Variants in CUBN observed in about 807,000 individuals in gnomAD.
The protein encoded by CUBN is cubilin.
In CUBN, 282 loss-of-function variants were observed where a neutral mutation model predicts 405.3. The observed-to-expected ratio is 0.70, with a 90% CI of 0.63 to 0.77. The LOEUF (loss-of-function observed/expected upper bound fraction) is 0.77. Among genes scored for constraint, CUBN ranks in the 30% least tolerant of loss-of-function variants. CUBN has a pLI of 0.00. For synonymous variants in CUBN, 1,684 were observed against 1,617.0 expected, an observed-to-expected ratio of 1.04 and a Z score of -0.99; for missense variants, 4,514 against 4,475.2, an observed-to-expected ratio of 1.01 and a Z score of -0.25.
At chr10:16,907,771 T>C in intron 48 of CUBN, 92 bp from the exon 49 acceptor site, 1 of 1,347,978 alleles carries the variant, frequency 7.4e-7, no homozygotes, top group South Asian at 1.2e-5. Context: ...CCCACTTCCT[T>C]TTATGGGAAC....
intron 43 of CUBN, among the ~76,000 whole-genome samples, chr10:16,920,649 A>G (rs1842008436): frequency 6.6e-6 from 1 of 152,228 alleles, no homozygotes; most frequent in South Asian, 2.1e-4. Flanking sequence ...ATGGAATGAA[A>G]TAATTTATTA....
At chr10:17,078,397 C>G (rs920880946) in intron 17 of CUBN, among the ~76,000 whole-genome samples, 1 of 152,148 alleles carries the variant, frequency 6.6e-6, no homozygotes, top group African/African-American at 2.4e-5. Context: ...ATTGCTCACT[C>G]CTCATCTGCA....
chr10:16,879,824 A>T (rs1371237180), intron 56 of CUBN, among the ~76,000 whole-genome samples: 1 of 152,094 alleles, frequency 6.6e-6, no homozygotes, highest in African/African-American at 2.4e-5. Flanking sequence ...TCAAGCTATT[A>T]ACAACAAGTC....
intron 45 of CUBN, among the ~76,000 whole-genome samples, chr10:16,917,498 C>T (rs1049586972): frequency 5.3e-5 from 8 of 152,088 alleles, no homozygotes; most frequent in Non-Finnish European, 1.0e-4. Context: ...TAAATGTGGT[C>T]TCTCAAAATA....
Position 17,068,690 on chromosome 10 carries a change from C to T in CUBN, c.2706G>A (p.Val902=), listed in dbSNP as rs375569366. The T allele has an allele frequency of 3.7e-6, 6 of 1,612,080 alleles. No individual in the cohort carries two copies. In the African/African-American group the frequency reaches 4.0e-5, roughly 11 times the overall value. Reference sequence around the variant, plus strand: ...CGAATGTGACATAAAGAAAATTGTACACAGATGTTATAAATGAAGGTATGT... The same window carrying T: ...CGAATGTGACATAAAGAAAATTGTATACAGATGTTATAAATGAAGGTATGT... ...GTDIPSFITS[V]YNFLYVTFVK... Residue 902 remains valine, a synonymous_variant, in exon 20 of 67, where the codon GTG becomes GTA. Coordinates refer to ENST00000377833, the MANE Select transcript of CUBN (RefSeq NM_001081.4).
At chr10:17,007,122 T>C (rs1339619764) in intron 28 of CUBN, among the ~76,000 whole-genome samples, 1 of 152,168 alleles carries the variant, frequency 6.6e-6, no homozygotes, top group East Asian at 1.9e-4. Flanking sequence ...GTGCAGCTGG[T>C]TGGGAGGCCA....
rs1241703588 is a variant in CUBN at position 16,933,255 on chromosome 10, C to T, written c.5956G>A (p.Asp1986Asn). The T allele has an allele frequency of 6.2e-7, 1 of 1,613,740 alleles. No individual in the cohort carries two copies. Among genetic ancestry groups the T allele is most frequent in the Non-Finnish European group, 8.5e-7 (1 of 1,179,956 alleles). Reference protein sequence around the residue: ...GACGGFLRTGDAPVFLFSPGW... With the variant: ...GACGGFLRTGNAPVFLFSPGW... ...GGGGAGAAGAGAAACACGGGTGCATCTCCCGTCCTCAGGAAGCCACCACAA... is the reference window on the plus strand; with the variant it reads ...GGGGAGAAGAGAAACACGGGTGCATTTCCCGTCCTCAGGAAGCCACCACAA... Residue 1986 changes from aspartate (D) to asparagine (N), a missense_variant, in exon 40 of 67, where the codon GAT becomes AAT. Coordinates refer to ENST00000377833, the MANE Select transcript of CUBN (RefSeq NM_001081.4).
At chr10:16,842,115 G>C (rs1383746628) in intron 60 of CUBN, among the ~76,000 whole-genome samples, 1 of 150,674 alleles carries the variant, frequency 6.6e-6, no homozygotes, top group Non-Finnish European at 1.5e-5. Context: ...TGCAATCATA[G>C]CTCACTGCAA....
At chr10:17,073,887 A>C (rs1206994107) in intron 17 of CUBN, among the ~76,000 whole-genome samples, 1 of 152,224 alleles carries the variant, frequency 6.6e-6, no homozygotes, top group East Asian at 1.9e-4. Context: ...TTGTTGAAGC[A>C]AACAGATGAA....
chr10:17,129,228 C>T lies in CUBN; in HGVS notation c.145G>A (p.Gly49Arg), dbSNP rs1381291912. Residue 49 changes from glycine to arginine, a missense_variant, in exon 2 of 67, where the codon GGA (glycine) becomes AGA (arginine). Around this residue, in one of 5 missense-constraint regions of CUBN, gnomAD observed 1,448 missense variants for 1,388.0 expected, o/e 1.04. Transcript: ENST00000377833. ...GACCCCGTAAGAAACACCAAATTTC[C>T]TCTCTCTGTAGCCATTCGAGGCCTA... ...LQQPRMATERGNLVFLTGSAQ... is the reference protein window; with the variant it reads ...LQQPRMATERRNLVFLTGSAQ... 1 of 1,613,668 alleles carries T rather than the reference C, an allele frequency of 6.2e-7. No homozygotes were observed.
At chr10:16,915,800 G>A (rs758429953) in intron 46 of CUBN, 21 bp downstream of exon 46, 1 of 1,585,674 alleles carries the variant, frequency 6.3e-7, no homozygotes, top group South Asian at 1.1e-5. Flanking sequence ...ACCCAAAAGA[G>A]AGCAGATATA....
Position 17,068,763 on chromosome 10 carries a change from C to T in CUBN, c.2633G>A (p.Ser878Asn), listed in dbSNP as rs759192569. 4.3e-6 allele frequency: 7 copies of T among 1,609,762 alleles called. No individual in the cohort carries two copies. The highest frequency in any genetic ancestry group is 5.1e-6 in the Non-Finnish European group (6 of 1,176,414). Residue 878 changes from serine (S) to asparagine (N), a missense_variant, in exon 20 of 67, where the codon AGC (serine) becomes AAC (asparagine). Coordinates refer to ENST00000377833, the MANE Select transcript of CUBN (RefSeq NM_001081.4). ...HCETDYVEIG[S>N]SSILGSPENK... ...TTCAGGAGAACCCAAAATGGAACTGCTACCAATCTAAAATTAGAGAAGATA... is the reference window on the plus strand; with the variant it reads ...TTCAGGAGAACCCAAAATGGAACTGTTACCAATCTAAAATTAGAGAAGATA...
At chr10:16,873,103 GAGGTAGGT>G (rs45547642) in intron 58 of CUBN, among the ~76,000 whole-genome samples, 14 of 152,174 alleles carry the variant, frequency 9.2e-5, no homozygotes, top group Non-Finnish European at 1.9e-4. Context: ...AAATAGAGGG[GAGGTAGGT>G]AGGTAGGTAG....
intron 28 of CUBN, among the ~76,000 whole-genome samples, chr10:16,998,913 C>T (rs193057437): frequency 2.6e-5 from 4 of 152,278 alleles, no homozygotes; most frequent in African/African-American, 4.8e-5. Flanking sequence ...AGTCAATGAA[C>T]GTTTAGAAAG....
chr10:16,914,996 T>C (rs780166364), intron 47 of CUBN, 36 bp downstream of exon 47: 2 of 1,579,154 alleles, frequency 1.3e-6, no homozygotes, highest in African/African-American at 2.7e-5. Context: ...CCAATGCAGG[T>C]GCTCAATGTT....
Position 16,982,540 on chromosome 10 carries a change from G to T in CUBN, c.4639C>A (p.Arg1547Ser). Residue 1547 changes from arginine (R) to serine (S), a missense_variant, in exon 31 of 67, where the codon CGT becomes AGT. Arg to Ser is a moderately radical substitution (Grantham distance 110). Coordinates refer to ENST00000377833, the MANE Select transcript of CUBN (RefSeq NM_001081.4). ...SWVIRVDRNH[R>S]VLLNFTDFDL... ...AAGTCAGTGAAGTTCAAGAGAACACGATGATTTCTGTCAACCCGAATGACC... is the reference window on the plus strand; with the variant it reads ...AAGTCAGTGAAGTTCAAGAGAACACTATGATTTCTGTCAACCCGAATGACC... 1.2e-6 allele frequency: 2 copies of T among 1,613,768 alleles called. No homozygotes were observed. Among genetic ancestry groups the T allele is most frequent in the Non-Finnish European group, 1.7e-6 (2 of 1,179,746 alleles).
At chr10:17,020,083 A>T in intron 27 of CUBN, 100 bp from the exon 28 acceptor site, 1 of 1,349,910 alleles carries the variant, frequency 7.4e-7, no homozygotes, top group Non-Finnish European at 1.1e-6. Flanking sequence ...TTGGTTCAAA[A>T]GTTAGAGGTA....
intron 6 of CUBN, among the ~76,000 whole-genome samples, chr10:17,117,820 G>A (rs1449567663): frequency 6.6e-6 from 1 of 152,102 alleles, no homozygotes; most frequent in Non-Finnish European, 1.5e-5. Context: ...AGATTGCCTA[G>A]GTTTAAATTT....
At chr10:16,983,712 C>A (rs780693148) in intron 30 of CUBN, among the ~76,000 whole-genome samples, 189 of 152,162 alleles carry the variant, frequency 1.2e-3, no homozygotes, top group Non-Finnish European at 2.4e-3. Context: ...AGAAAGTCAC[C>A]ATAGAACACA....
Sources: gnomAD v4.1 joint callset for allele counts (sites outside exome capture counted in the v4.1 genomes callset) on GRCh38, gnomAD v4.1.1 for gene constraint, gnomAD v4.1.1 regional missense constraint, MANE v1.5 for transcripts, NCBI Gene and HGNC (gene_info 2026-07-23, HGNC 2026-07-21) for gene names.